Variants in NPR2 observed in about 807,000 individuals in gnomAD.
The protein encoded by NPR2 is natriuretic peptide receptor 2, also known as atrial natriuretic peptide receptor 2.
A neutral mutation model predicts 120.7 loss-of-function variants in NPR2; 49 were observed. The observed-to-expected ratio is 0.41, with a 90% CI of 0.32 to 0.52. The LOEUF (loss-of-function observed/expected upper bound fraction) is 0.52, where lower values mean the gene tolerates loss of function less well. Ranked by LOEUF, NPR2 falls within the 20% of genes least tolerant of loss-of-function variation. The pLI, the probability that NPR2 is intolerant of heterozygous loss-of-function variation, is 0.36. For synonymous variants in NPR2, 484 were observed against 519.8 expected, an observed-to-expected ratio of 0.93 and a Z score of 0.94; for missense variants, 931 against 1,362.9, an observed-to-expected ratio of 0.68 and a Z score of 4.99.
chr9:35,800,102 C>T lies in NPR2; in HGVS notation c.1068C>T (p.Gly356=), dbSNP rs1285715752. ...TGAATGAGACAATACAGGAAGGAGGCACCCGGGAGGATGGACTTCGAATTG... is the reference window on the plus strand; with the variant it reads ...TGAATGAGACAATACAGGAAGGAGGTACCCGGGAGGATGGACTTCGAATTG... ...EVLNETIQEG[G]TREDGLRIVE... is the part of the protein sequence containing the mutation. Residue 356 remains glycine, a synonymous_variant, in exon 4 of 22, where the codon GGC becomes GGT. Transcript: ENST00000342694. This position sits in a 1 kb window ranked among gnomAD's most constrained non-coding sequence, Gnocchi z 4.7. 6.2e-7 allele frequency: 1 copy of T among 1,613,906 alleles called. No homozygotes were observed. The highest frequency in any genetic ancestry group is 8.5e-7 in the Non-Finnish European group (1 of 1,179,814).
chr9:35,801,427 T>A (rs1351611661), intron 7 of NPR2, among the ~76,000 whole-genome samples: 1 of 152,220 alleles, frequency 6.6e-6, no homozygotes, highest in Non-Finnish European at 1.5e-5. Context: ...TTGGTCTTCT[T>A]TTAGGAAAGA....
chr9:35,793,268 G>A (rs897714056), intron 1 of NPR2, among the ~76,000 whole-genome samples, 193 bp downstream of exon 1: 3 of 152,170 alleles, frequency 2.0e-5, no homozygotes, highest in African/African-American at 7.2e-5. Context: ...AACACCCTAG[G>A]CAGATGCAAA....
chr9:35,807,997 T>G, intron 18 of NPR2: 1 of 607,646 alleles, frequency 1.6e-6, no homozygotes, highest in African/African-American at 1.8e-5. Flanking sequence ...GGATAACTAC[T>G]TTATCCCTAA....
chr9:35,800,595 G>A lies in NPR2; in HGVS notation c.1218+112G>A. ...GATGAGGGATTTGTTTTCTCTGCTG[G>A]CACTGCATCCTGGCTGGGTGGTAGG... On this transcript the variant is annotated intron_variant, in intron 5 of 21. Transcript: ENST00000342694. This position sits in a 1 kb window ranked among gnomAD's most constrained non-coding sequence, Gnocchi z 4.7. 4.4e-6 allele frequency: 7 copies of A among 1,583,410 alleles called. No individual in the cohort carries two copies. The highest frequency in any genetic ancestry group is 1.1e-5 in the South Asian group (1 of 90,260).
chr9:35,807,571 T>C (rs1300426904), intron 18 of NPR2, among the ~76,000 whole-genome samples, 173 bp downstream of exon 18: 1 of 152,226 alleles, frequency 6.6e-6, no homozygotes, highest in South Asian at 2.1e-4. Context: ...TCCAGCACTA[T>C]AATTGTACAC....
At chr9:35,796,520 T>A (rs372822186) in intron 2 of NPR2, among the ~76,000 whole-genome samples, 5 of 152,202 alleles carry the variant, frequency 3.3e-5, no homozygotes, top group Non-Finnish European at 7.3e-5. Context: ...AGCCTCACTT[T>A]CTTCTGTGAG....
At position 35,806,649 on chromosome 9, in the gene NPR2, A is replaced by C; in HGVS notation, c.2519+111A>C. 8 of 1,137,764 alleles carry C rather than the reference A, an allele frequency of 7.0e-6. No individual in the cohort carries two copies. The highest frequency in any genetic ancestry group is 1.1e-5 in the Non-Finnish European group (8 of 752,576). 70.5% of individuals were successfully genotyped at this position (1,137,764 alleles called of 1,614,324 possible). A position where few individuals can be genotyped will look rare whatever the true frequency, so the allele number is the denominator to read the frequency against. Reference sequence around the variant, plus strand: ...CCCCACCCTCAGAACCCTGCTGGCCACAGGGAGCACCCCTGCTTATAGATT... The same window carrying C: ...CCCCACCCTCAGAACCCTGCTGGCCCCAGGGAGCACCCCTGCTTATAGATT... On this transcript the variant is annotated intron_variant, in intron 16 of 21. Coordinates refer to ENST00000342694, the MANE Select transcript of NPR2 (RefSeq NM_003995.4). This position sits in a 1 kb window ranked among gnomAD's most constrained non-coding sequence, Gnocchi z 4.6.
Position 35,794,505 on chromosome 9 carries a change from A to G in NPR2, c.873+402A>G, listed in dbSNP as rs542722649. Among the ~76,000 whole-genome samples the G allele has an allele frequency of 2.9e-4, 44 of 152,354 alleles. 2 individuals carry two copies. The East Asian group carries it at 8.3e-3, about 29-fold the overall frequency. On this transcript the variant is annotated intron_variant, in intron 2 of 21. Transcript: ENST00000342694. ...AGGATATGATTATGTGTCCTGGAACAGACACTAAGAACTTTAGTGGCTCAG... is the reference window on the plus strand; with the variant it reads ...AGGATATGATTATGTGTCCTGGAACGGACACTAAGAACTTTAGTGGCTCAG...
Position 35,800,228 on chromosome 9 carries a change from T to A in NPR2, c.1123+71T>A. ...TAGAGTGGGCTGAAGAAGAAACAGA[T>A]GTCAGGATCACCACAGCTTTAGTGG... On this transcript the variant is annotated intron_variant, in intron 4 of 21. Coordinates refer to ENST00000342694, the MANE Select transcript of NPR2 (RefSeq NM_003995.4). This position sits in a 1 kb window ranked among gnomAD's most constrained non-coding sequence, Gnocchi z 4.7. 6.7e-7 allele frequency: 1 copy of A among 1,492,158 alleles called. No individual in the cohort carries two copies. Among genetic ancestry groups the A allele is most frequent in the South Asian group, 1.1e-5 (1 of 88,520 alleles). The allele number at this position is 1,492,158 out of a possible 1,614,324, so 92.4% of individuals were successfully genotyped here. A position where few individuals can be genotyped will look rare whatever the true frequency, so the allele number is the denominator to read the frequency against.
At chr9:35,801,510 A>G in intron 7 of NPR2, 133 bp from the exon 8 acceptor site, 1 of 954,560 alleles carries the variant, frequency 1.0e-6, no homozygotes, top group Non-Finnish European at 1.7e-6. Flanking sequence ...ATGCAGCCTT[A>G]TCTTCCAGCC....
At chr9:35,793,265 T>C (rs1036264397) in intron 1 of NPR2, among the ~76,000 whole-genome samples, 190 bp downstream of exon 1, 2 of 152,084 alleles carry the variant, frequency 1.3e-5, no homozygotes, top group Non-Finnish European at 1.5e-5. Flanking sequence ...GTGAACACCC[T>C]AGGCAGATGC....
rs1184076475 is a variant in NPR2 at position 35,792,034 on chromosome 9, GC to G, written c.-369del. 2 of 40,258 alleles carry G rather than the reference GC, an allele frequency of 5.0e-5. No homozygotes were observed. The highest frequency in any genetic ancestry group is 2.3e-4 in the African/African-American group (2 of 8,836). The allele number at this position is 40,258 out of a possible 1,614,324, so 2.5% of individuals were successfully genotyped here. A position where few individuals can be genotyped will look rare whatever the true frequency, so the allele number is the denominator to read the frequency against. The stretch of plus-strand genomic sequence containing the variant: ...CCCAGGCCGTTTCTTTGTACCACCC[GC>G]CCCCCACCCCCACCCCATCCCAGTC... On this transcript the variant is annotated 5_prime_UTR_variant, in exon 1 of 22. It introduces an in-frame stop codon into an upstream open reading frame of the 5' UTR. Coordinates refer to ENST00000342694, the MANE Select transcript of NPR2 (RefSeq NM_003995.4).
At position 35,792,027 on chromosome 9, in the gene NPR2, A is replaced by ACCCCCCCCCCCC; in HGVS notation, c.-380_-379insCCCCCCCCCCCC. 1 of 134,336 alleles carries ACCCCCCCCCCCC rather than the reference A, an allele frequency of 7.4e-6. No homozygotes were observed. The highest frequency in any genetic ancestry group is 1.6e-5 in the Non-Finnish European group (1 of 63,044). 8.3% of individuals were successfully genotyped at this position (134,336 alleles called of 1,614,324 possible). On this transcript the variant is annotated 5_prime_UTR_variant, in exon 1 of 22. Coordinates refer to ENST00000342694, the MANE Select transcript of NPR2 (RefSeq NM_003995.4). ...AGGTTCCCCCAGGCCGTTTCTTTGT[A>ACCCCCCCCCCCC]CCACCCGCCCCCCACCCCCACCCCA...
At position 35,799,686 on chromosome 9, in the gene NPR2, G is replaced by A. The variant is rs2132077479; in HGVS notation, c.942G>A (p.Leu314=). 6.2e-7 allele frequency: 1 copy of A among 1,614,044 alleles called. No individual in the cohort carries two copies. The highest frequency in any genetic ancestry group is 8.5e-7 in the Non-Finnish European group (1 of 1,180,012). ...ATCAGGAATTCCAGAATCGTCTGCT[G>A]ATAAGAGCCCGGGAAGACTTTGGTG... The part of the protein sequence containing the change: ...PEYQEFQNRL[L]IRAREDFGVE... Residue 314 remains leucine, a synonymous_variant, in exon 3 of 22, where the codon CTG becomes CTA. Transcript: ENST00000342694.
chr9:35,805,545 C>T lies in NPR2; in HGVS notation c.1922C>T (p.Ser641Leu), dbSNP rs202053091. 2.2e-5 allele frequency: 36 copies of T among 1,614,064 alleles called. 1 individual carries two copies. Among genetic ancestry groups the T allele is most frequent in the African/African-American group, 9.3e-5 (7 of 74,936 alleles). The change falls in exon 13 of 22, where the codon TCG becomes TTG. Residue 641 changes from serine (S) to leucine (L), a missense_variant. Around this residue, in one of 3 missense-constraint regions of NPR2, gnomAD observed 681 missense variants for 974.3 expected, o/e 0.70. Transcript: ENST00000342694. This position sits in a 1 kb window ranked among gnomAD's most constrained non-coding sequence, Gnocchi z 4.9. ...TTTCTCCACAACAGCATTATTTCATCGCATGGGAGTCTCAAGTCCTCCAAC... is the reference window on the plus strand; with the variant it reads ...TTTCTCCACAACAGCATTATTTCATTGCATGGGAGTCTCAAGTCCTCCAAC... The part of the protein sequence containing the change: ...MAFLHNSIIS[S>L]HGSLKSSNCV...
At position 35,806,037 on chromosome 9, in the gene NPR2, C is replaced by A; in HGVS notation, c.2204-28C>A. 1 of 1,614,156 alleles carries A rather than the reference C, an allele frequency of 6.2e-7. No homozygotes were observed. The highest frequency in any genetic ancestry group is 8.5e-7 in the Non-Finnish European group (1 of 1,180,036). ...CTCTTCTTCCTGGGGGAACTCTGTT[C>A]TTCATCCAAACCTTTGATCACCCTC... On this transcript the variant is annotated intron_variant, in intron 14 of 21. Transcript: ENST00000342694. This position sits in a 1 kb window ranked among gnomAD's most constrained non-coding sequence, Gnocchi z 4.6.
chr9:35,809,533 C>T lies in NPR2; in HGVS notation c.*88C>T. 5.0e-6 allele frequency: 8 copies of T among 1,602,118 alleles called. No homozygotes were observed. Among genetic ancestry groups the T allele is most frequent in the Non-Finnish European group, 6.8e-6 (8 of 1,169,186 alleles). On this transcript the variant is annotated 3_prime_UTR_variant, in exon 22 of 22. Coordinates refer to ENST00000342694, the MANE Select transcript of NPR2 (RefSeq NM_003995.4). This position sits in a 1 kb window ranked among gnomAD's most constrained non-coding sequence, Gnocchi z 4.1. ...CATGTCTGCACACACCAGAAATGGACATTTTCATATGCAATGGAAAACAGC... is the reference window on the plus strand; with the variant it reads ...CATGTCTGCACACACCAGAAATGGATATTTTCATATGCAATGGAAAACAGC...
chr9:35,794,915 G>C (rs2132070340), intron 2 of NPR2, among the ~76,000 whole-genome samples: 1 of 152,116 alleles, frequency 6.6e-6, no homozygotes, highest in Non-Finnish European at 1.5e-5. Context: ...ACCTGGGGCA[G>C]TGAGACCAAC....
Position 35,805,411 on chromosome 9 carries a change from AC to A in NPR2, c.1888-97del, listed in dbSNP as rs758343642. On this transcript the variant is annotated intron_variant, in intron 12 of 21. Transcript: ENST00000342694. The surrounding 1 kb of genome is among the most constrained non-coding windows in gnomAD (Gnocchi z 4.9). The stretch of plus-strand genomic sequence containing the variant: ...CAAAATCAGCTTATTATTTTTGTGG[AC>A]CCAAGATCTGTAGACAGCTAGCCAG... 67 of 1,216,306 alleles carry A rather than the reference AC, an allele frequency of 5.5e-5. No individual in the cohort carries two copies. Among genetic ancestry groups the A allele is most frequent in the Non-Finnish European group, 8.0e-5 (66 of 821,020 alleles). The allele number at this position is 1,216,306 out of a possible 1,614,324, so 75.3% of individuals were successfully genotyped here.
Sources: allele counts gnomAD v4.1 joint callset (sites outside exome capture counted in the v4.1 genomes callset), GRCh38; gene constraint gnomAD v4.1.1; regional missense constraint gnomAD v4.1.1; non-coding constraint Gnocchi (gnomAD v3.1); transcripts MANE v1.5; gene names NCBI Gene and HGNC (gene_info 2026-07-23, HGNC 2026-07-21).